The following GARIN1A variants were observed in gnomAD, a reference collection of about 807,000 sequenced individuals.
GARIN1A encodes Golgi-associated RAB2 interactor protein 1A.
the GARIN1A span, among the ~76,000 whole-genome samples, chr7:128,677,380 G>A: frequency 2.6e-5 from 4 of 151,624 alleles, no homozygotes; most frequent in African/African-American, 4.8e-5. Flanking sequence ...GGTGGCGGGC[G>A]CCTGTAGTCC....
At chr7:128,707,920 CCTTT>C in the GARIN1A span, among the ~76,000 whole-genome samples, 9 of 151,662 alleles carry the variant, frequency 5.9e-5, no homozygotes, top group South Asian at 1.7e-3. Flanking sequence ...TTCCTTCCTT[CCTTT>C]CCTTCCTTCC....
chr7:128,689,357 A>C, the GARIN1A span, among the ~76,000 whole-genome samples: 1 of 151,324 alleles, frequency 6.6e-6, no homozygotes, highest in Admixed American at 6.6e-5. Flanking sequence ...GGAACTGAGG[A>C]GCATCTCTGC....
At chr7:128,683,474 T>G in the GARIN1A span, 6 of 153,054 alleles carry the variant, frequency 3.9e-5, no homozygotes, top group South Asian at 4.2e-4. Context: ...ATTTATTTAT[T>G]TATTTATTTA....
At chr7:128,675,547 T>C in the GARIN1A span, 2 of 883,054 alleles carry the variant, frequency 2.3e-6, no homozygotes, top group Non-Finnish European at 3.6e-6. Context: ...AAAGGATCAA[T>C]AGCAGGTCAG....
the GARIN1A span, chr7:128,677,514 A>AAAAAG: frequency 4.1e-6 from 6 of 1,461,238 alleles, no homozygotes; most frequent in African/African-American, 1.4e-5. Flanking sequence ...CAAAAAAAAA[A>AAAAAG]AAAAAAGAAA....
chr7:128,701,431 G>GAA, the GARIN1A span, among the ~76,000 whole-genome samples: 1 of 1,306 alleles, frequency 7.7e-4, no homozygotes, highest in Non-Finnish European at 1.9e-3. Flanking sequence ...GAGGGGAAGG[G>GAA]GAGGGGAGGG....
the GARIN1A span, among the ~76,000 whole-genome samples, chr7:128,698,891 C>T: frequency 2.6e-5 from 4 of 152,186 alleles, no homozygotes; most frequent in Admixed American, 2.6e-4. Flanking sequence ...CCGGCCAATG[C>T]CCCTCATTAT....
the GARIN1A span, chr7:128,685,733 C>G: frequency 6.6e-6 from 1 of 152,174 alleles, no homozygotes; most frequent in Non-Finnish European, 1.5e-5. Context: ...CTTCCAAATG[C>G]ATGCCTGTTG....
chr7:128,679,984 A>T, the GARIN1A span: 1 of 1,202,534 alleles, frequency 8.3e-7, no homozygotes, highest in Non-Finnish European at 1.2e-6. Context: ...GAGGCCAAGA[A>T]CTCTCTGAGC....
the GARIN1A span, chr7:128,678,013 T>TTA: frequency 3.4e-5 from 8 of 238,528 alleles, no homozygotes; most frequent in Non-Finnish European, 5.0e-5. Flanking sequence ...TTAGAAATGT[T>TTA]TCTTTTTTTT....
the GARIN1A span, among the ~76,000 whole-genome samples, chr7:128,677,064 TA>T: frequency 6.6e-6 from 1 of 151,910 alleles, no homozygotes; most frequent in African/African-American, 2.4e-5. Flanking sequence ...GTATTCCTAC[TA>T]AAGTCCTGGA....
At chr7:128,685,744 T>A in the GARIN1A span, 1 of 152,204 alleles carries the variant, frequency 6.6e-6, no homozygotes, top group African/African-American at 2.4e-5. Context: ...ATGCCTGTTG[T>A]CCTGGTATCA....
the GARIN1A span, chr7:128,677,777 G>A: frequency 6.2e-7 from 1 of 1,613,766 alleles, no homozygotes; most frequent in Non-Finnish European, 8.5e-7. Flanking sequence ...CTCACTGCCT[G>A]GTGCCCAAGA....
At chr7:128,693,777 A>G in the GARIN1A span, 1 of 153,630 alleles carries the variant, frequency 6.5e-6, no homozygotes, top group Non-Finnish European at 1.5e-5. Flanking sequence ...GAGCAAAGCC[A>G]TGTGCTTGTA....
the GARIN1A span, chr7:128,680,278 C>G: frequency 2.1e-6 from 1 of 484,472 alleles, no homozygotes; most frequent in Middle Eastern, 5.5e-4. Context: ...CTTTTTCTGT[C>G]AATTTTATTG....
At chr7:128,675,447 T>C in the GARIN1A span, among the ~76,000 whole-genome samples, 1 of 129,748 alleles carries the variant, frequency 7.7e-6, no homozygotes, top group Non-Finnish European at 1.7e-5. Context: ...ACAGTTATCT[T>C]TTTAGTTAGA....
chr7:128,697,258 C>G, the GARIN1A span, among the ~76,000 whole-genome samples: 1 of 152,202 alleles, frequency 6.6e-6, no homozygotes, highest in African/African-American at 2.4e-5. Flanking sequence ...CCCTACAGGT[C>G]TCCCCAGATC....
the GARIN1A span, chr7:128,690,417 A>G: frequency 8.7e-4 from 116 of 133,754 alleles, no homozygotes; most frequent in African/African-American, 3.5e-3. Flanking sequence ...TAAATAAATA[A>G]ATAATAATAA....
the GARIN1A span, among the ~76,000 whole-genome samples, chr7:128,676,806 A>G: frequency 2.6e-5 from 4 of 152,052 alleles, no homozygotes; most frequent in Non-Finnish European, 5.9e-5. Context: ...GTCACACTTA[A>G]TAAGATCTAA....
Sources: gnomAD v4.1 joint callset for allele counts (sites outside exome capture counted in the v4.1 genomes callset) on GRCh38, gnomAD v4.1.1 for gene constraint, MANE v1.5 for transcripts, NCBI Gene and HGNC (gene_info 2026-07-23, HGNC 2026-07-21) for gene names.